The following LPIN1 variants were observed in gnomAD, a reference collection of about 807,000 sequenced individuals.
LPIN1 encodes lipin 1.
A neutral mutation model predicts 107.5 loss-of-function variants in LPIN1; 71 were observed. The observed-to-expected ratio is 0.66, with a 90% CI of 0.55 to 0.80. The LOEUF (loss-of-function observed/expected upper bound fraction) is 0.80, where lower values mean the gene tolerates loss of function less well. Ranked by LOEUF, LPIN1 falls within the 30% of genes least tolerant of loss-of-function variation. The pLI is 0.00. For missense variants in LPIN1, 1,043 were observed against 1,160.6 expected (o/e 0.90, Z 1.47); for synonymous variants, 445 against 452.6 (o/e 0.98, Z 0.21).
chr2:11,820,340 A>G lies in LPIN1; in HGVS notation c.2518-71A>G, dbSNP rs1681299635. ...AAATTTGATATCTCATCAAATCAGA[A>G]ATACCATGGACTTGTTTTTACAATG... On this transcript the variant is annotated intron_variant, in intron 19 of 20. Coordinates refer to ENST00000674199, the MANE Select transcript of LPIN1 (RefSeq NM_001349206.2). 20 of 995,552 alleles carry G rather than the reference A, an allele frequency of 2.0e-5. No individual in the cohort carries two copies. In the South Asian group the frequency reaches 2.5e-4, roughly 12 times the overall value. The allele number at this position is 995,552 out of a possible 1,614,324, so 61.7% of individuals were successfully genotyped here.
At chr2:11,804,110 G>A (rs774228627) in intron 15 of LPIN1, among the ~76,000 whole-genome samples, 1 of 152,090 alleles carries the variant, frequency 6.6e-6, no homozygotes, top group Non-Finnish European at 1.5e-5. Flanking sequence ...CCCCGTCATT[G>A]AATCCTGGCT....
chr2:11,684,745 CCCTT>C (rs1661912546), intron 1 of LPIN1, among the ~76,000 whole-genome samples: 1 of 148,518 alleles, frequency 6.7e-6, no homozygotes, highest in African/African-American at 2.5e-5. Context: ...CTCCCTCCCT[CCCTT>C]CCTTCCATTG....
intron 1 of LPIN1, among the ~76,000 whole-genome samples, chr2:11,693,514 G>A (rs1430287388): frequency 1.3e-5 from 2 of 151,960 alleles, no homozygotes; most frequent in Non-Finnish European, 2.9e-5. Context: ...CACCCCCTTC[G>A]GTGGTTCGTA....
chr2:11,740,917 A>T (rs2148557868), intron 1 of LPIN1: 1 of 155,164 alleles, frequency 6.4e-6, no homozygotes, highest in South Asian at 2.0e-4. Flanking sequence ...AGCTGTAGAT[A>T]CCAAGCAGTG....
At chr2:11,779,888 T>C (rs1361002037) in intron 7 of LPIN1, among the ~76,000 whole-genome samples, 2 of 149,610 alleles carry the variant, frequency 1.3e-5, no homozygotes, top group Non-Finnish European at 3.0e-5. Context: ...TTACTTTTTT[T>C]TTTTTTTCTT....
Position 11,787,143 on chromosome 2 carries a change from A to G in LPIN1, c.1619A>G (p.Asn540Ser), listed in dbSNP as rs192272279. The change falls in exon 11 of 21, where the codon AAT becomes AGT. Residue 540 changes from asparagine to serine, a missense_variant. Transcript: ENST00000674199. Reference sequence around the variant, plus strand: ...AACCCCGCTATTATCGATGACCCCAATCTCGTGGTAAAGATTGGGAGTAAG... The same window carrying G: ...AACCCCGCTATTATCGATGACCCCAGTCTCGTGGTAAAGATTGGGAGTAAG... ...VDNPAIIDDP[N>S]LVVKIGSKYY... 13 of 1,613,878 alleles carry G rather than the reference A, an allele frequency of 8.1e-6. No homozygotes were observed. The highest frequency in any genetic ancestry group is 4.5e-5 in the East Asian group (2 of 44,880).
intron 20 of LPIN1, among the ~76,000 whole-genome samples, chr2:11,820,875 A>C (rs894766807): frequency 1.3e-5 from 2 of 152,264 alleles, no homozygotes; most frequent in African/African-American, 4.8e-5. Context: ...TTTAAAGATG[A>C]GGAACTGTAT....
At chr2:11,785,779 G>A (rs777540666) in intron 10 of LPIN1, among the ~76,000 whole-genome samples, 3 of 152,182 alleles carry the variant, frequency 2.0e-5, no homozygotes, top group Non-Finnish European at 4.4e-5. Flanking sequence ...AACCAGGGCT[G>A]CCATGTGAGA....
At position 11,800,209 on chromosome 2, in the gene LPIN1, G is replaced by A. The variant is rs997820891; in HGVS notation, c.1887-2698G>A. ...TGAGTGTCGGTTGAATGAACTCTGG[G>A]CCACCATCCCAAAGCCCACCGACCT... On this transcript the variant is annotated intron_variant, in intron 14 of 20. Coordinates refer to ENST00000674199, the MANE Select transcript of LPIN1 (RefSeq NM_001349206.2). Among the ~76,000 whole-genome samples the A allele has an allele frequency of 2.0e-5, 3 of 152,068 alleles. No individual in the cohort carries two copies. In the East Asian group the frequency reaches 5.8e-4, roughly 29 times the overall value.
At chr2:11,685,281 G>A (rs1661945153) in intron 1 of LPIN1, among the ~76,000 whole-genome samples, 1 of 152,228 alleles carries the variant, frequency 6.6e-6, no homozygotes, top group Non-Finnish European at 1.5e-5. Flanking sequence ...AAAGTGGGAG[G>A]AGATGGTGTG....
In LPIN1 at chr2:11,775,569, C is replaced by A. The variant is rs190051101; in HGVS notation, c.723-517C>A. Among the ~76,000 whole-genome samples, 312 of 152,224 alleles carry A rather than the reference C, an allele frequency of 2.0e-3. 2 individuals carry two copies. Among genetic ancestry groups the A allele is most frequent in the African/African-American group, 5.5e-3 (228 of 41,536 alleles). On this transcript the variant is annotated intron_variant, in intron 5 of 20. Transcript: ENST00000674199. The stretch of plus-strand genomic sequence containing the variant: ...GAATTAGGTATTTTCTGTAAAGAGA[C>A]AATTGACAGCACACACGAGCACATT...
At chr2:11,762,227 A>G (rs1669949046) in intron 1 of LPIN1, among the ~76,000 whole-genome samples, 3 of 152,142 alleles carry the variant, frequency 2.0e-5, no homozygotes, top group African/African-American at 4.8e-5. Flanking sequence ...TGCACAGGGC[A>G]AGGCGGTGGA....
At chr2:11,763,539 A>G (rs1191066041) in intron 1 of LPIN1, among the ~76,000 whole-genome samples, 1 of 152,008 alleles carries the variant, frequency 6.6e-6, no homozygotes, top group Non-Finnish European at 1.5e-5. Flanking sequence ...CCTCCTTTCC[A>G]GGCGGGGAAG....
intron 1 of LPIN1, among the ~76,000 whole-genome samples, chr2:11,747,861 G>C (rs1388705083): frequency 6.6e-6 from 1 of 152,172 alleles, no homozygotes; most frequent in African/African-American, 2.4e-5. Context: ...TGTGTGTTTT[G>C]GCGCTTATTA....
rs531347349 is a variant in LPIN1, at chr2:11,696,046, C to CTTT, written c.82-17692_82-17690dup. Among the ~76,000 whole-genome samples the CTTT allele has an allele frequency of 4.7e-3, 587 of 126,048 alleles. 8 individuals are homozygous for CTTT. Among genetic ancestry groups the CTTT allele is most frequent in the African/African-American group, 0.018 (552 of 30,142 alleles). The allele number at this position is 126,048 out of a possible 152,430, so 82.7% of individuals were successfully genotyped here. ...ATGGCTCTGACAGTTGCTGACTCTC[C>CTTT]TTTTTTTTTTTTTTTTTTTTAATTT... On this transcript the variant is annotated intron_variant, in intron 1 of 21. Coordinates refer to the LPIN1 transcript ENST00000449576.
chr2:11,751,121 A>G (rs935456940), intron 1 of LPIN1, among the ~76,000 whole-genome samples: 1 of 152,216 alleles, frequency 6.6e-6, no homozygotes, highest in Non-Finnish European at 1.5e-5. Context: ...TATCCAGGCC[A>G]TTTGTATTTC....
chr2:11,689,677 G>C (rs1004523950), intron 1 of LPIN1, among the ~76,000 whole-genome samples: 27 of 152,336 alleles, frequency 1.8e-4, no homozygotes, highest in African/African-American at 6.0e-4. Context: ...GCCGAGGCAG[G>C]CAGATTGTCT....
rs546624380 is a variant in LPIN1, at chr2:11,717,552, A to T, written c.138+3740A>T. On this transcript the variant is annotated intron_variant, in intron 2 of 21. Coordinates refer to the LPIN1 transcript ENST00000449576. ...GACATTAGCCTATCACGTGGAAATCATCGCATTCTTTATTTTTAAGCCTGT... is the reference window on the plus strand; with the variant it reads ...GACATTAGCCTATCACGTGGAAATCTTCGCATTCTTTATTTTTAAGCCTGT... 1.4e-4 allele frequency among the ~76,000 whole-genome samples: 21 copies of T among 151,502 alleles called. No individual in the cohort carries two copies. The South Asian group carries it at 4.4e-3, about 32-fold the overall frequency.
At chr2:11,699,230 A>G (rs903411477) in intron 1 of LPIN1, among the ~76,000 whole-genome samples, 4 of 152,248 alleles carry the variant, frequency 2.6e-5, no homozygotes, top group Non-Finnish European at 4.4e-5. Flanking sequence ...GTCCTCAGGA[A>G]CTATTGAACC....
Sources: allele counts gnomAD v4.1 joint callset (sites outside exome capture counted in the v4.1 genomes callset), GRCh38; gene constraint gnomAD v4.1.1; transcripts MANE v1.5; gene names NCBI Gene and HGNC (gene_info 2026-07-23, HGNC 2026-07-21).